PHACTR1: variants seen among roughly 807,000 people sequenced by gnomAD.
PHACTR1 encodes phosphatase and actin regulator 1.
A neutral mutation model predicts 69.2 loss-of-function variants in PHACTR1; 16 were observed. The ratio of observed to expected loss-of-function variants is 0.23; its 90% CI spans 0.16 to 0.35. The LOEUF (loss-of-function observed/expected upper bound fraction) is 0.35, where lower values mean the gene tolerates loss of function less well. Ranked by LOEUF, PHACTR1 falls within the 10% of genes least tolerant of loss-of-function variation. The probability of loss-of-function intolerance (pLI) is 1.00; values close to 1 mark genes in which losing one functional copy is unlikely to be tolerated. For missense variants in PHACTR1, 510 were observed against 734.7 expected (o/e 0.69, Z 3.54); for synonymous variants, 312 against 284.5 (o/e 1.10, Z -0.97).
intron 5 of PHACTR1, among the ~76,000 whole-genome samples, chr6:13,094,504 C>G (rs1813827235): frequency 6.6e-6 from 1 of 151,844 alleles, no homozygotes; most frequent in Non-Finnish European, 1.5e-5. Context: ...ACCATATTAG[C>G]CAGGCGGGTC....
intron 4 of PHACTR1, among the ~76,000 whole-genome samples, chr6:12,931,569 CAAATACATTTTTTAAG>C (rs1237903446): frequency 1.3e-5 from 2 of 151,952 alleles, no homozygotes; most frequent in Non-Finnish European, 2.9e-5. Flanking sequence ...ATGTAAATAG[CAAATACATTTTTTAAG>C]TCTGGATTGA....
Position 12,865,981 on chromosome 6 carries a change from G to A in PHACTR1, c.250+116191G>A, listed in dbSNP as rs567301058. The stretch of plus-strand genomic sequence containing the variant: ...CCCTCCCCACCCTAAGAAAGGCACC[G>A]CCTCCAACAGGAACAGCTGAGGGAG... On this transcript the variant is annotated intron_variant, in intron 4 of 14. Coordinates refer to ENST00000332995, the MANE Select transcript of PHACTR1 (RefSeq NM_030948.6). Among the ~76,000 whole-genome samples, 9 of 152,050 alleles carry A rather than the reference G, an allele frequency of 5.9e-5. No homozygotes were observed. The South Asian group carries it at 6.2e-4, about 11-fold the overall frequency.
At chr6:12,912,159 G>A (rs1786487773) in intron 4 of PHACTR1, among the ~76,000 whole-genome samples, 1 of 152,080 alleles carries the variant, frequency 6.6e-6, no homozygotes, top group East Asian at 1.9e-4. Context: ...CACCATGCCT[G>A]GCTAATTTTT....
At chr6:13,133,013 T>C (rs1161262729) in intron 5 of PHACTR1, among the ~76,000 whole-genome samples, 1 of 152,228 alleles carries the variant, frequency 6.6e-6, no homozygotes, top group Non-Finnish European at 1.5e-5. Context: ...CAAACCCTGC[T>C]GCTGCTTTCT....
intron 4 of PHACTR1, among the ~76,000 whole-genome samples, chr6:12,798,602 T>C (rs916054362): frequency 6.6e-6 from 1 of 152,194 alleles, no homozygotes; most frequent in Non-Finnish European, 1.5e-5. Flanking sequence ...ACCAGCTTTT[T>C]ACTTCTGAAG....
intron 4 of PHACTR1, among the ~76,000 whole-genome samples, chr6:12,800,204 T>A (rs535924506): frequency 6.6e-6 from 1 of 152,272 alleles, no homozygotes; most frequent in Non-Finnish European, 1.5e-5. Flanking sequence ...AGGCTAGATG[T>A]TTAGTCATTT....
At chr6:13,088,144 A>G (rs918634313) in intron 5 of PHACTR1, among the ~76,000 whole-genome samples, 1 of 152,186 alleles carries the variant, frequency 6.6e-6, no homozygotes, top group Admixed American at 6.5e-5. Flanking sequence ...AAGAGAATCT[A>G]AACAAACTTA....
chr6:13,190,592 C>G (rs1033067620), intron 7 of PHACTR1, among the ~76,000 whole-genome samples: 2 of 151,908 alleles, frequency 1.3e-5, no homozygotes, highest in Non-Finnish European at 2.9e-5. Context: ...TCAGTTGGGT[C>G]GGGTTTCAAA....
intron 4 of PHACTR1, among the ~76,000 whole-genome samples, chr6:12,751,588 A>C (rs1766623822): frequency 6.6e-6 from 1 of 152,234 alleles, no homozygotes; most frequent in Non-Finnish European, 1.5e-5. Flanking sequence ...GCTAAACAAG[A>C]GTTTCAAGTT....
chr6:12,757,399 A>G (rs1344979653), intron 4 of PHACTR1, among the ~76,000 whole-genome samples: 3 of 152,158 alleles, frequency 2.0e-5, no homozygotes, highest in Admixed American at 6.5e-5. Flanking sequence ...AAAGACTTTG[A>G]CTTTACTCTC....
intron 4 of PHACTR1, among the ~76,000 whole-genome samples, chr6:12,840,155 C>A (rs956450800): frequency 6.6e-6 from 1 of 152,162 alleles, no homozygotes; most frequent in African/African-American, 2.4e-5. Flanking sequence ...CCCTCCACCC[C>A]ACAGCGAGTC....
intron 4 of PHACTR1, chr6:12,933,635 G>T (rs76125438): frequency 6.2e-7 from 1 of 1,612,520 alleles, no homozygotes; most frequent in Non-Finnish European, 8.5e-7. Context: ...ATGTCCAGGC[G>T]TTTCCCTTTT....
At position 13,206,108 on chromosome 6, in the gene PHACTR1, C is replaced by T; in HGVS notation, c.958C>T (p.Leu320=). The change falls in exon 8 of 15, where the codon CTG becomes TTG. Residue 320 remains leucine, a synonymous_variant. Transcript: ENST00000332995. ...AATGATAGACGAGCTCAACAAAACGCTGGCCATGACCATGCAGAGGCTGGA... is the reference window on the plus strand; with the variant it reads ...AATGATAGACGAGCTCAACAAAACGTTGGCCATGACCATGCAGAGGCTGGA... ...CRMIDELNKT[L]AMTMQRLESS... is the part of the protein sequence containing the mutation. 1 of 1,607,332 alleles carries T rather than the reference C, an allele frequency of 6.2e-7. No homozygotes were observed. The highest frequency in any genetic ancestry group is 1.1e-5 in the South Asian group (1 of 90,338).
chr6:13,014,593 G>A (rs1391747832), intron 4 of PHACTR1, among the ~76,000 whole-genome samples: 2 of 152,156 alleles, frequency 1.3e-5, no homozygotes, highest in Admixed American at 6.5e-5. Flanking sequence ...GAGGCGGTTT[G>A]GCTGCGGCGC....
chr6:12,775,383 A>G (rs1769933940), intron 4 of PHACTR1, among the ~76,000 whole-genome samples: 1 of 152,240 alleles, frequency 6.6e-6, no homozygotes, highest in African/African-American at 2.4e-5. Flanking sequence ...GTTGCCACAT[A>G]GTTAACTAGT....
rs535071589 is a variant in PHACTR1, at chr6:12,966,468, A to G, written c.251-86897A>G. Among the ~76,000 whole-genome samples, 183 of 152,374 alleles carry G rather than the reference A, an allele frequency of 1.2e-3. 1 individual carries two copies. The highest frequency in any genetic ancestry group is 2.1e-3 in the Non-Finnish European group (145 of 68,042). On this transcript the variant is annotated intron_variant, in intron 4 of 14. Coordinates refer to ENST00000332995, the MANE Select transcript of PHACTR1 (RefSeq NM_030948.6). ...GGGGACCCTGGCTGGTTGTGATCACAGTGAGACATTTTGGAGTTTCAGATC... is the reference window on the plus strand; with the variant it reads ...GGGGACCCTGGCTGGTTGTGATCACGGTGAGACATTTTGGAGTTTCAGATC...
chr6:13,272,812 A>G, intron 10 of PHACTR1, 48 bp from the exon 11 acceptor site: 1 of 1,614,062 alleles, frequency 6.2e-7, no homozygotes, highest in Non-Finnish European at 8.5e-7. Context: ...TAATGACCCA[A>G]GGAGGCTATG....
intron 4 of PHACTR1, among the ~76,000 whole-genome samples, chr6:12,792,990 C>T (rs1174961419): frequency 1.9e-4 from 29 of 152,070 alleles, no homozygotes; most frequent in East Asian, 1.9e-4. Context: ...CAGTCAAGTT[C>T]GTGAGATTTG....
chr6:13,195,775 A>AAAAAAAAAAAAAAAAAAAAAAAT (rs1764304852), intron 7 of PHACTR1, among the ~76,000 whole-genome samples: 1 of 142,120 alleles, frequency 7.0e-6, no homozygotes, highest in Non-Finnish European at 1.5e-5. Flanking sequence ...AAAAAAAAAA[A>AAAAAAAAAAAAAAAAAAAAAAAT]AAAAAGTTCA....
Sources: gnomAD v4.1 joint callset for allele counts (sites outside exome capture counted in the v4.1 genomes callset) on GRCh38, gnomAD v4.1.1 for gene constraint, MANE v1.5 for transcripts, NCBI Gene and HGNC (gene_info 2026-07-23, HGNC 2026-07-21) for gene names.